The following DPH6 variants were observed in gnomAD, a reference collection of about 807,000 sequenced individuals.
DPH6 encodes the protein diphthamine biosynthesis 6, also known as diphthine--ammonia ligase.
DPH6 carries 33 observed loss-of-function variants against 38.2 expected under a neutral mutation model. The observed-to-expected ratio is 0.86, with a 90% confidence interval of 0.65 to 1.15. The LOEUF is 1.15. DPH6 is among the 50% of genes most tolerant of loss of function. The pLI, the probability that DPH6 is intolerant of heterozygous loss-of-function variation, is 0.00. For synonymous variants in DPH6, 108 were observed against 103.0 expected (o/e 1.05, Z -0.30); for missense variants, 325 against 320.0 (o/e 1.02, Z -0.12).
chr15:35,472,004 G>T (rs1011575368), intron 3 of DPH6, among the ~76,000 whole-genome samples: 1 of 152,038 alleles, frequency 6.6e-6, no homozygotes. Context: ...TGAAAATAAC[G>T]TTGTGCTTTA....
chr15:35,250,221 A>T (rs2051663884), intron 3 of DPH6, among the ~76,000 whole-genome samples: 1 of 151,936 alleles, frequency 6.6e-6, no homozygotes, highest in South Asian at 2.1e-4. Flanking sequence ...AAAAATAAAA[A>T]AAATAAAATT....
intron 5 of DPH6, among the ~76,000 whole-genome samples, 193 bp downstream of exon 5, chr15:35,450,492 C>T (rs921150008): frequency 1.3e-5 from 2 of 149,784 alleles, no homozygotes; most frequent in Non-Finnish European, 3.0e-5. Flanking sequence ...GTAATCACTT[C>T]GGCAAATGGT....
chr15:35,257,599 A>AT (rs539411088), intron 3 of DPH6, among the ~76,000 whole-genome samples: 46 of 152,252 alleles, frequency 3.0e-4, no homozygotes, highest in African/African-American at 8.9e-4. Flanking sequence ...AGAAATGGGG[A>AT]TTTTTTGTGG....
At chr15:35,459,644 GAT>G (rs888630269) in intron 3 of DPH6, among the ~76,000 whole-genome samples, 9 of 152,132 alleles carry the variant, frequency 5.9e-5, no homozygotes, top group African/African-American at 2.2e-4. Context: ...CAAGAAATAG[GAT>G]ATAGGGTGAG....
rs905971581 is a variant in DPH6 at position 35,523,813 on chromosome 15, G to A, written c.312+14461C>T. Among the ~76,000 whole-genome samples, 3 of 152,026 alleles carry A rather than the reference G, an allele frequency of 2.0e-5. No individual in the cohort carries two copies. The East Asian group carries it at 5.8e-4, about 29-fold the overall frequency. Reference sequence around the variant, plus strand: ...TTTAATTAAAATGTGTCACTTTTGAGAAAAGCACTAAGTGTAAGACAAAAA... The same window carrying A: ...TTTAATTAAAATGTGTCACTTTTGAAAAAAGCACTAAGTGTAAGACAAAAA... On this transcript the variant is annotated intron_variant, in intron 3 of 8. Coordinates refer to ENST00000256538, the MANE Select transcript of DPH6 (RefSeq NM_080650.4).
At chr15:35,332,724 T>C (rs1013919133) in intron 3 of DPH6, among the ~76,000 whole-genome samples, 5 of 152,106 alleles carry the variant, frequency 3.3e-5, no homozygotes, top group Admixed American at 6.6e-5. Flanking sequence ...AAAGAGTGTC[T>C]ATCTCAAAGT....
At chr15:35,166,525 T>G in the DPH6 span, among the ~76,000 whole-genome samples, 1 of 151,936 alleles carries the variant, frequency 6.6e-6, no homozygotes. Flanking sequence ...AAAGATGTTT[T>G]TCCTCTCCCA....
chr15:35,386,733 G>A (rs911781691), intron 6 of DPH6, among the ~76,000 whole-genome samples: 1 of 151,572 alleles, frequency 6.6e-6, no homozygotes, highest in African/African-American at 2.4e-5. Flanking sequence ...TGTAGATTCT[G>A]GATATTAGCC....
chr15:35,187,391 T>C, the DPH6 span, among the ~76,000 whole-genome samples: 3 of 152,214 alleles, frequency 2.0e-5, no homozygotes, highest in African/African-American at 7.2e-5. Context: ...CCAGGTTGAG[T>C]TGCAAATGTA....
At position 35,239,083 on chromosome 15, in the gene DPH6, C is replaced by T. The variant is rs1377514044; in HGVS notation, n.201-18501G>A. 4.9e-5 allele frequency among the ~76,000 whole-genome samples: 7 copies of T among 143,742 alleles called. 2 individuals carry two copies. The South Asian group carries it at 7.2e-4, about 15-fold the overall frequency. 94.3% of individuals were successfully genotyped at this position (143,742 alleles called of 152,430 possible). Reference sequence around the variant, plus strand: ...TGAAATTTGGTGCTGTGACATGGATCGGGGGACCTCCCTTGGGAGATCAAT... The same window carrying T: ...TGAAATTTGGTGCTGTGACATGGATTGGGGGACCTCCCTTGGGAGATCAAT... On this transcript the variant is annotated intron_variant and non_coding_transcript_variant, in intron 3 of 3. Transcript: ENST00000560386.
intron 3 of DPH6, among the ~76,000 whole-genome samples, chr15:35,279,214 T>C (rs762657579): frequency 4.0e-5 from 6 of 151,894 alleles, no homozygotes; most frequent in Admixed American, 6.6e-5. Context: ...TGCACCACCA[T>C]TGTATCTTGG....
intron 3 of DPH6, among the ~76,000 whole-genome samples, chr15:35,224,519 G>T (rs138906462): frequency 6.6e-6 from 1 of 152,208 alleles, no homozygotes; most frequent in Non-Finnish European, 1.5e-5. Context: ...TATGAATAAA[G>T]CTGCTACGAA....
intron 4 of DPH6, among the ~76,000 whole-genome samples, chr15:35,453,988 ATTT>A (rs57185950): frequency 1.3e-5 from 2 of 151,770 alleles, no homozygotes; most frequent in Non-Finnish European, 2.9e-5. Flanking sequence ...ATGCAGTCCA[ATTT>A]TTTTTGTTAA....
intron 3 of DPH6, chr15:35,220,711 T>C (rs1344845929): frequency 1.3e-5 from 2 of 151,966 alleles, no homozygotes; most frequent in Non-Finnish European, 2.9e-5. Context: ...ACAGATCCTA[T>C]CTCCCAAAAC....
intron 3 of DPH6, among the ~76,000 whole-genome samples, chr15:35,533,211 C>A (rs1448818116): frequency 6.6e-6 from 1 of 152,014 alleles, no homozygotes; most frequent in Non-Finnish European, 1.5e-5. Flanking sequence ...CACCCTTCTA[C>A]CAGCAACAGC....
rs2054646941 is a variant in DPH6, at chr15:35,502,953, C to T, written c.312+35321G>A. On this transcript the variant is annotated intron_variant, in intron 3 of 8. Coordinates refer to ENST00000256538, the MANE Select transcript of DPH6 (RefSeq NM_080650.4). ...ATATATAAATATATATATACACACA[C>T]ACATACACACACACCAGTGTGCCTG... Among the ~76,000 whole-genome samples, 3 of 148,158 alleles carry T rather than the reference C, an allele frequency of 2.0e-5. No individual in the cohort carries two copies. In the Admixed American group the frequency reaches 2.0e-4, roughly 10 times the overall value.
chr15:35,246,533 A>G (rs536282626), intron 3 of DPH6, among the ~76,000 whole-genome samples: 45 of 152,272 alleles, frequency 3.0e-4, no homozygotes, highest in Admixed American at 9.2e-4. Context: ...CAATGGGATT[A>G]GCGCCAGACT....
At chr15:35,240,457 G>A (rs2051589754) in intron 3 of DPH6, among the ~76,000 whole-genome samples, 2 of 141,102 alleles carry the variant, frequency 1.4e-5, no homozygotes, top group South Asian at 2.5e-4. Flanking sequence ...TCCCCTCCTT[G>A]CCAGCCCAAG....
chr15:35,324,047 C>T lies in DPH6; in HGVS notation n.200+49474G>A, dbSNP rs117424022. ...CAGTGTGCTTGAGCGTATCCCACCA[C>T]TGGCTTGCTATGTAAATTTGACCTT... On this transcript the variant is annotated intron_variant and non_coding_transcript_variant, in intron 3 of 3. Transcript: ENST00000560386. Among the ~76,000 whole-genome samples, 969 of 152,280 alleles carry T rather than the reference C, an allele frequency of 6.4e-3. 10 individuals carry two copies. The highest frequency in any genetic ancestry group is 9.2e-3 in the Non-Finnish European group (627 of 68,024).
Sources: gnomAD v4.1 joint callset for allele counts (sites outside exome capture counted in the v4.1 genomes callset) on GRCh38, gnomAD v4.1.1 for gene constraint, MANE v1.5 for transcripts, NCBI Gene and HGNC (gene_info 2026-07-23, HGNC 2026-07-21) for gene names.